The following MEF2C variants were observed in gnomAD, a reference collection of about 807,000 sequenced individuals.
MEF2C encodes the protein myocyte enhancer factor 2C.
A neutral mutation model predicts 50.5 loss-of-function variants in MEF2C; 6 were observed. The observed-to-expected ratio is 0.12, with a 90% confidence interval of 0.07 to 0.23. MEF2C has a LOEUF of 0.23. Among genes scored for constraint, MEF2C ranks in the 10% least tolerant of loss-of-function variants. The probability of loss-of-function intolerance (pLI) is 1.00; values close to 1 mark genes in which losing one functional copy is unlikely to be tolerated. For synonymous variants in MEF2C, 183 were observed against 228.0 expected, an observed-to-expected ratio of 0.80 and a Z score of 1.78; for missense variants, 276 against 605.0, an observed-to-expected ratio of 0.46 and a Z score of 5.70.
upstream of MEF2C, chr5:88,904,074 C>T (rs1472064417): frequency 6.7e-6 from 1 of 149,378 alleles, no homozygotes; most frequent in Admixed American, 6.7e-5. Context: ...GCCTCCTCTC[C>T]TTTTCTATGA....
intron 6 of MEF2C, chr5:88,738,094 G>C: frequency 9.1e-6 from 9 of 985,358 alleles, no homozygotes; most frequent in Non-Finnish European, 9.6e-6. Flanking sequence ...ACAAAAAAAA[G>C]ATAAGGCAGA....
chr5:88,886,921 A>C (rs941982665), upstream of MEF2C, among the ~76,000 whole-genome samples: 27 of 152,266 alleles, frequency 1.8e-4, 1 homozygote, highest in African/African-American at 6.5e-4. Flanking sequence ...CCCTACATTA[A>C]AGCAGCGGTC....
chr5:88,753,693 A>G (rs1773916034), intron 4 of MEF2C, among the ~76,000 whole-genome samples: 1 of 152,146 alleles, frequency 6.6e-6, no homozygotes, highest in African/African-American at 2.4e-5. Context: ...ATCTGGCCCA[A>G]TCTGTCATTG....
intron 3 of MEF2C, among the ~76,000 whole-genome samples, chr5:88,796,873 C>T (rs1429685352): frequency 6.6e-6 from 1 of 152,158 alleles, no homozygotes; most frequent in Non-Finnish European, 1.5e-5. Flanking sequence ...GCCTTAATTT[C>T]ATTATTTACC....
intron 6 of MEF2C, chr5:88,747,969 A>C (rs1218272538): frequency 1.3e-6 from 1 of 773,214 alleles, no homozygotes; most frequent in Non-Finnish European, 1.6e-6. Context: ...GAGTTTACAC[A>C]CTAATTTGGC....
At chr5:88,896,830 C>T (rs1429022464) in intron 1 of MEF2C, among the ~76,000 whole-genome samples, 1 of 152,084 alleles carries the variant, frequency 6.6e-6, no homozygotes, top group Non-Finnish European at 1.5e-5. Context: ...AACTTCCTTT[C>T]TTCCTTCCAT....
intron 1 of MEF2C, among the ~76,000 whole-genome samples, chr5:88,826,811 G>A (rs1165397360): frequency 6.6e-6 from 1 of 151,602 alleles, no homozygotes; most frequent in African/African-American, 2.4e-5. Context: ...TCAACCATAA[G>A]CTTAAAATAA....
intron 3 of MEF2C, among the ~76,000 whole-genome samples, chr5:88,776,482 A>G (rs1263109166): frequency 6.6e-6 from 1 of 152,116 alleles, no homozygotes; most frequent in African/African-American, 2.4e-5. Flanking sequence ...ACAACTCCTC[A>G]TTCCCGCCCT....
intron 1 of MEF2C, among the ~76,000 whole-genome samples, chr5:88,902,191 AC>A (rs1324689798): frequency 6.6e-6 from 1 of 151,792 alleles, no homozygotes; most frequent in Non-Finnish European, 1.5e-5. Context: ...TGAAATACAT[AC>A]TAATTCTTTA....
intron 1 of MEF2C, among the ~76,000 whole-genome samples, chr5:88,856,168 G>A (rs1823261847): frequency 6.6e-6 from 1 of 152,188 alleles, no homozygotes; most frequent in Non-Finnish European, 1.5e-5. Context: ...AGAGACTGGA[G>A]GCATTTTGCT....
intron 3 of MEF2C, among the ~76,000 whole-genome samples, chr5:88,778,053 C>T (rs770941335): frequency 1.3e-5 from 2 of 151,558 alleles, no homozygotes; most frequent in African/African-American, 4.8e-5. Flanking sequence ...TACAGATGCC[C>T]GCCACCACGC....
At chr5:88,893,971 T>C (rs1372111163) in intron 1 of MEF2C, among the ~76,000 whole-genome samples, 1 of 152,214 alleles carries the variant, frequency 6.6e-6, no homozygotes, top group Non-Finnish European at 1.5e-5. Context: ...GTTAAATCTT[T>C]TAAATCAGTA....
chr5:88,857,888 A>T (rs1824040517), intron 1 of MEF2C, among the ~76,000 whole-genome samples: 2 of 152,188 alleles, frequency 1.3e-5, no homozygotes, highest in Admixed American at 1.3e-4. Context: ...CTTTCTTCAG[A>T]TTTCCTGTAA....
intron 6 of MEF2C, chr5:88,734,687 A>AG (rs1435740259): frequency 2.0e-6 from 2 of 980,988 alleles, no homozygotes; most frequent in Non-Finnish European, 2.4e-6. Flanking sequence ...GGGCAGCAGT[A>AG]GGGGAAAAAA....
chr5:88,811,701 CTG>C (rs1802893173), intron 2 of MEF2C, among the ~76,000 whole-genome samples: 1 of 152,014 alleles, frequency 6.6e-6, no homozygotes, highest in Admixed American at 6.6e-5. Flanking sequence ...ACACAAAAGA[CTG>C]TAAAGAATTT....
chr5:88,780,484 G>A (rs893673484), intron 3 of MEF2C, among the ~76,000 whole-genome samples: 4 of 152,120 alleles, frequency 2.6e-5, no homozygotes, highest in East Asian at 1.9e-4. Flanking sequence ...TCCCAGTAGC[G>A]ATATACATTG....
intron 1 of MEF2C, among the ~76,000 whole-genome samples, chr5:88,830,240 G>A (rs950739326): frequency 3.9e-5 from 6 of 151,936 alleles, no homozygotes; most frequent in Admixed American, 2.6e-4. Context: ...CCATGACCAC[G>A]GCTGCTGAAA....
chr5:88,865,195 C>T (rs1368507651), intron 1 of MEF2C, among the ~76,000 whole-genome samples: 2 of 152,168 alleles, frequency 1.3e-5, no homozygotes, highest in East Asian at 3.9e-4. Flanking sequence ...CTGTGCCCAC[C>T]TAACATCAGT....
intron 4 of MEF2C, chr5:88,752,852 A>G (rs1773465440): frequency 5.8e-6 from 4 of 691,266 alleles, no homozygotes; most frequent in Non-Finnish European, 5.3e-6. Flanking sequence ...TGTACTAACT[A>G]GATGAACATA....
Sources: allele counts gnomAD v4.1 joint callset (sites outside exome capture counted in the v4.1 genomes callset), GRCh38; gene constraint gnomAD v4.1.1; transcripts MANE v1.5; gene names NCBI Gene and HGNC (gene_info 2026-07-23, HGNC 2026-07-21).